The following PRELID2 variants were observed in gnomAD, a reference collection of about 807,000 sequenced individuals.
The protein encoded by PRELID2 is PRELI domain-containing protein 2.
In PRELID2, 25 loss-of-function variants were observed where a neutral mutation model predicts 28.4. The ratio of observed to expected loss-of-function variants is 0.88; its 90% CI spans 0.64 to 1.23. PRELID2 has a LOEUF of 1.23. PRELID2 is among the 50% of genes most tolerant of loss of function. The probability of loss-of-function intolerance (pLI) is 0.00; values close to 1 mark genes in which losing one functional copy is unlikely to be tolerated. For missense variants in PRELID2, 201 were observed against 214.4 expected, an observed-to-expected ratio of 0.94 and a Z score of 0.39; for synonymous variants, 76 against 71.6, an observed-to-expected ratio of 1.06 and a Z score of -0.31.
intron 1 of PRELID2, among the ~76,000 whole-genome samples, chr5:145,652,902 AT>A (rs1477814152): frequency 5.9e-5 from 9 of 152,226 alleles, no homozygotes; most frequent in African/African-American, 2.2e-4. Context: ...ACATAACGAT[AT>A]TAACATTAAA....
chr5:145,511,251 A>G (rs1194846300), intron 1 of PRELID2, among the ~76,000 whole-genome samples: 2 of 152,244 alleles, frequency 1.3e-5, no homozygotes, highest in East Asian at 1.9e-4. Context: ...CATAGCTTTA[A>G]TTGAGACCTA....
At chr5:145,655,432 G>A (rs1425803078) in intron 1 of PRELID2, among the ~76,000 whole-genome samples, 9 of 152,174 alleles carry the variant, frequency 5.9e-5, no homozygotes, top group East Asian at 1.9e-4. Flanking sequence ...AAAAGAGCCC[G>A]CATTGCCAAA....
chr5:145,609,177 C>T (rs896498724), intron 1 of PRELID2, among the ~76,000 whole-genome samples: 11 of 152,096 alleles, frequency 7.2e-5, no homozygotes, highest in Non-Finnish European at 1.5e-4. Context: ...TGTAGTCTTC[C>T]TTAGAGTCCT....
intron 5 of PRELID2, among the ~76,000 whole-genome samples, chr5:145,791,045 A>C (rs1245143881): frequency 3.3e-5 from 5 of 152,092 alleles, no homozygotes; most frequent in Non-Finnish European, 7.4e-5. Context: ...TCACACTGCT[A>C]ATAAAGACAT....
At chr5:145,325,787 T>C in the PRELID2 span, among the ~76,000 whole-genome samples, 14 of 152,272 alleles carry the variant, frequency 9.2e-5, no homozygotes, top group Non-Finnish European at 1.6e-4. Context: ...TTTTTCTGCT[T>C]TTCTATGTCA....
At chr5:145,682,664 C>T (rs963817517) in intron 1 of PRELID2, among the ~76,000 whole-genome samples, 3 of 152,112 alleles carry the variant, frequency 2.0e-5, no homozygotes, top group Non-Finnish European at 4.4e-5. Flanking sequence ...TTCATGACAG[C>T]AGCCATGAGG....
chr5:145,824,871 C>G lies in PRELID2; in HGVS notation c.76-1737G>C, dbSNP rs76332975. 3.2e-3 allele frequency among the ~76,000 whole-genome samples: 479 copies of G among 152,060 alleles called. 8 individuals carry two copies. The East Asian group carries it at 0.073, about 23-fold the overall frequency. ...TGAAATCTTGATAACTGATGAAAAA[C>G]TTGGTTTTTAAAAATCTATTTATTT... On this transcript the variant is annotated intron_variant, in intron 1 of 6. Transcript: ENST00000683046.
At position 145,571,006 on chromosome 5, in the gene PRELID2, T is replaced by C. The variant is rs370963933; in HGVS notation, n.71-97691A>G. Among the ~76,000 whole-genome samples the C allele has an allele frequency of 1.2e-4, 19 of 152,348 alleles. No homozygotes were observed. The South Asian group carries it at 3.9e-3, about 32-fold the overall frequency. ...AAACATGCTGGGCTCTTAATAAATG[T>C]CTGCTGAATGAATGAATCCAAATGG... On this transcript the variant is annotated intron_variant and non_coding_transcript_variant, in intron 1 of 2. Transcript: ENST00000510259.
chr5:145,552,317 T>C (rs1580975536), intron 1 of PRELID2, among the ~76,000 whole-genome samples: 1 of 152,070 alleles, frequency 6.6e-6, no homozygotes, highest in South Asian at 2.1e-4. Context: ...GTCCACCTTC[T>C]CCCCCTGCAG....
the PRELID2 span, among the ~76,000 whole-genome samples, chr5:145,269,876 GTA>G: frequency 1.4e-3 from 202 of 147,290 alleles, no homozygotes; most frequent in African/African-American, 4.5e-3. Flanking sequence ...ACATATATAT[GTA>G]TATATATATG....
chr5:145,562,491 A>C (rs1360531518), intron 1 of PRELID2, among the ~76,000 whole-genome samples: 1 of 152,222 alleles, frequency 6.6e-6, no homozygotes, highest in Non-Finnish European at 1.5e-5. Flanking sequence ...ATGTGTTTGT[A>C]CATTTGAAGT....
chr5:145,776,438 T>C (rs944886342), intron 5 of PRELID2, among the ~76,000 whole-genome samples: 1 of 147,766 alleles, frequency 6.8e-6, no homozygotes, highest in East Asian at 2.0e-4. Flanking sequence ...TTCCTGTAAG[T>C]GAAAAGGTGA....
chr5:145,563,132 C>A (rs555517213), intron 1 of PRELID2, among the ~76,000 whole-genome samples: 5 of 152,212 alleles, frequency 3.3e-5, no homozygotes, highest in Non-Finnish European at 7.3e-5. Context: ...ATCCTCATAC[C>A]CTGGCCACAG....
intron 1 of PRELID2, among the ~76,000 whole-genome samples, chr5:145,717,260 G>T (rs1049373374): frequency 6.6e-6 from 1 of 152,096 alleles, no homozygotes; most frequent in African/African-American, 2.4e-5. Flanking sequence ...AGAGGCTGGG[G>T]AGAAGGGGAA....
chr5:145,272,839 C>A, the PRELID2 span, among the ~76,000 whole-genome samples: 2 of 151,950 alleles, frequency 1.3e-5, no homozygotes, highest in African/African-American at 4.8e-5. Context: ...AAATTTTTCG[C>A]TTACTCGTTA....
At chr5:145,591,481 T>C (rs1753225874) in intron 1 of PRELID2, among the ~76,000 whole-genome samples, 1 of 152,126 alleles carries the variant, frequency 6.6e-6, no homozygotes, top group Non-Finnish European at 1.5e-5. Context: ...TTCAGCAATC[T>C]CTGGATGAAG....
the PRELID2 span, among the ~76,000 whole-genome samples, chr5:145,386,684 T>C: frequency 6.6e-6 from 1 of 152,214 alleles, no homozygotes; most frequent in African/African-American, 2.4e-5. Context: ...TTGTTGGCAT[T>C]ATTTGTATTG....
chr5:145,301,865 G>A, the PRELID2 span, among the ~76,000 whole-genome samples: 1 of 149,460 alleles, frequency 6.7e-6, no homozygotes, highest in African/African-American at 2.5e-5. Flanking sequence ...ATATAGTCTT[G>A]ATTATTGTAG....
the PRELID2 span, among the ~76,000 whole-genome samples, chr5:145,334,137 G>A: frequency 4.6e-5 from 7 of 152,106 alleles, no homozygotes; most frequent in South Asian, 2.1e-4. Flanking sequence ...GAAGAGCTGC[G>A]TACCTCAGCT....
Sources: gnomAD v4.1 joint callset for allele counts (sites outside exome capture counted in the v4.1 genomes callset) on GRCh38, gnomAD v4.1.1 for gene constraint, MANE v1.5 for transcripts, NCBI Gene and HGNC (gene_info 2026-07-23, HGNC 2026-07-21) for gene names.